Variants in CDK17 observed in about 807,000 individuals in gnomAD.
CDK17 encodes cyclin dependent kinase 17.
Under a neutral mutation model 77.6 loss-of-function variants are expected in CDK17, and 24 were observed. The observed-to-expected ratio is 0.31, with a 90% CI of 0.22 to 0.44. The LOEUF is 0.44. Ranked by LOEUF, CDK17 falls within the 20% of genes least tolerant of loss-of-function variation. CDK17 has a pLI of 1.00. For synonymous variants in CDK17, 203 were observed against 210.4 expected, an observed-to-expected ratio of 0.96 and a Z score of 0.30; for missense variants, 429 against 622.5, an observed-to-expected ratio of 0.69 and a Z score of 3.31.
At chr12:96,381,518 T>G (rs1953880785) in intron 1 of CDK17, among the ~76,000 whole-genome samples, 1 of 151,772 alleles carries the variant, frequency 6.6e-6, no homozygotes, top group Non-Finnish European at 1.5e-5. Context: ...AAGAAAAAAA[T>G]AGAGACTTCT....
At chr12:96,363,678 T>C (rs1295119323) in intron 1 of CDK17, among the ~76,000 whole-genome samples, 2 of 151,862 alleles carry the variant, frequency 1.3e-5, no homozygotes, top group Non-Finnish European at 1.5e-5. Context: ...AAAGCCTGTC[T>C]GTACTAAAAA....
At chr12:96,317,286 T>C (rs1014288278) in intron 3 of CDK17, among the ~76,000 whole-genome samples, 2 of 137,880 alleles carry the variant, frequency 1.5e-5, no homozygotes, top group African/African-American at 5.3e-5. Flanking sequence ...CTCCAAGAAA[T>C]ATGGGACTAT....
rs145562465 is a variant in CDK17, at chr12:96,362,173, A to G, written c.-29-27308T>C. 2.6e-5 allele frequency among the ~76,000 whole-genome samples: 4 copies of G among 152,340 alleles called. No homozygotes were observed. The East Asian group carries it at 5.8e-4, about 22-fold the overall frequency. On this transcript the variant is annotated intron_variant, in intron 1 of 16. Transcript: ENST00000261211. ...CATGGACTTTTTAAAACTTAGTCAA[A>G]TAACTAATAAGATGATAAGAACATA...
chr12:96,337,680 C>T (rs557519851), intron 1 of CDK17, among the ~76,000 whole-genome samples: 2 of 152,300 alleles, frequency 1.3e-5, no homozygotes, highest in Admixed American at 1.3e-4. Flanking sequence ...TCTACCTTGA[C>T]AGTCAGTAAC....
At chr12:96,309,367 G>C (rs184531812) in intron 5 of CDK17, among the ~76,000 whole-genome samples, 80 of 152,228 alleles carry the variant, frequency 5.3e-4, no homozygotes, top group Non-Finnish European at 8.1e-4. Flanking sequence ...ATTTGCCAAG[G>C]CATTTTACTT....
intron 1 of CDK17, among the ~76,000 whole-genome samples, chr12:96,364,256 CT>C (rs1953546885): frequency 6.6e-6 from 1 of 152,124 alleles, no homozygotes; most frequent in South Asian, 2.1e-4. Context: ...AAATGTCTTC[CT>C]TTCTGTTGGG....
At chr12:96,312,104 C>T (rs941635780) in intron 4 of CDK17, among the ~76,000 whole-genome samples, 1 of 152,038 alleles carries the variant, frequency 6.6e-6, no homozygotes, top group Non-Finnish European at 1.5e-5. Flanking sequence ...TGGTGAAACC[C>T]TGTCTCTACA....
intron 1 of CDK17, among the ~76,000 whole-genome samples, chr12:96,358,821 G>A (rs1033523988): frequency 6.7e-6 from 1 of 149,808 alleles, no homozygotes; most frequent in African/African-American, 2.5e-5. Context: ...GTTGAGACTC[G>A]GCCTCCGTGC....
chr12:96,287,527 A>G (rs758592748), intron 11 of CDK17, among the ~76,000 whole-genome samples: 3 of 152,188 alleles, frequency 2.0e-5, no homozygotes, highest in African/African-American at 7.2e-5. Context: ...TAGAATTACT[A>G]TATGATCCAG....
intron 11 of CDK17, among the ~76,000 whole-genome samples, 168 bp from the exon 12 acceptor site, chr12:96,286,929 T>C (rs1412768942): frequency 6.6e-6 from 1 of 152,214 alleles, no homozygotes; most frequent in African/African-American, 2.4e-5. Flanking sequence ...ACCCTATTTG[T>C]CTCAATTTCT....
chr12:96,318,038 T>C (rs1020521242), intron 3 of CDK17, among the ~76,000 whole-genome samples: 2 of 152,124 alleles, frequency 1.3e-5, no homozygotes, highest in Non-Finnish European at 2.9e-5. Flanking sequence ...ATCAGTGTGC[T>C]GTATTCAGGA....
intron 1 of CDK17, among the ~76,000 whole-genome samples, chr12:96,395,365 C>T (rs920141815): frequency 6.6e-6 from 1 of 152,222 alleles, no homozygotes; most frequent in East Asian, 1.9e-4. Flanking sequence ...GTAACATTGA[C>T]TTTTTAACAT....
chr12:96,331,865 A>G (rs1952974921), intron 2 of CDK17, among the ~76,000 whole-genome samples: 1 of 152,228 alleles, frequency 6.6e-6, no homozygotes, highest in African/African-American at 2.4e-5. Flanking sequence ...ACTAATCAAG[A>G]GACAAGTGAT....
intron 9 of CDK17, 163 bp from the exon 10 acceptor site, chr12:96,295,285 G>A (rs893945415): frequency 6.6e-6 from 3 of 457,696 alleles, no homozygotes; most frequent in African/African-American, 6.0e-5. Context: ...TATATATAGT[G>A]GCTTTCTGAA....
At chr12:96,333,692 G>A (rs1405908358) in intron 2 of CDK17, among the ~76,000 whole-genome samples, 2 of 148,308 alleles carry the variant, frequency 1.3e-5, no homozygotes, top group African/African-American at 5.0e-5. Flanking sequence ...AAAAAAGGTA[G>A]ATGTTATCAA....
Position 96,393,354 on chromosome 12 carries a change from C to CAAAAAAAAAAAAAAAAAAAA in CDK17, c.-30+6612_-30+6631dup, listed in dbSNP as rs10633197. Among the ~76,000 whole-genome samples, 2 of 43,346 alleles carry CAAAAAAAAAAAAAAAAAAAA rather than the reference C, an allele frequency of 4.6e-5. 1 individual carries two copies. The highest frequency in any genetic ancestry group is 1.8e-4 in the African/African-American group (2 of 11,050). The allele number at this position is 43,346 out of a possible 152,430, so 28.4% of individuals were successfully genotyped here. On this transcript the variant is annotated intron_variant, in intron 1 of 16. Transcript: ENST00000261211. ...TACTCCAGCCTGTGAGGCTCCGCCT[C>CAAAAAAAAAAAAAAAAAAAA]AAAAAAAAAAAAAAAAAAAAAAAAA... is the stretch of plus-strand genomic sequence containing the variant.
chr12:96,374,250 T>C (rs1350196662), intron 1 of CDK17, among the ~76,000 whole-genome samples: 3 of 152,206 alleles, frequency 2.0e-5, no homozygotes, highest in Admixed American at 2.0e-4. Context: ...TGCAAACACA[T>C]TTTCCCACTA....
In CDK17 at chr12:96,298,893, C is replaced by T; in HGVS notation, c.691G>A (p.Ala231Thr). 1 of 1,601,332 alleles carries T rather than the reference C, an allele frequency of 6.2e-7. No homozygotes were observed. Among genetic ancestry groups the T allele is most frequent in the Non-Finnish European group, 8.6e-7 (1 of 1,169,092 alleles). ...CCTTCTCTTATAGCTGTGCAGGGTGCACCTTCTTCATGTTCCAATCGGATC... is the reference window on the plus strand; with the variant it reads ...CCTTCTCTTATAGCTGTGCAGGGTGTACCTTCTTCATGTTCCAATCGGATC... Reference protein sequence around the residue: ...KEIRLEHEEGAPCTAIREVSL... With the variant: ...KEIRLEHEEGTPCTAIREVSL... The change falls in exon 7 of 17, where the codon GCA (alanine) becomes ACA (threonine). Residue 231 changes from alanine (A) to threonine (T), a missense_variant. Physicochemically the swap from Ala to Thr is moderately conservative, Grantham distance 58. Transcript: ENST00000261211.
intron 1 of CDK17, among the ~76,000 whole-genome samples, chr12:96,345,004 T>G (rs544909431): frequency 7.2e-5 from 11 of 152,260 alleles, no homozygotes; most frequent in Non-Finnish European, 1.5e-4. Context: ...CAGGCCTCAG[T>G]TAAGTGTTGT....
Sources: allele counts gnomAD v4.1 joint callset (sites outside exome capture counted in the v4.1 genomes callset), GRCh38; gene constraint gnomAD v4.1.1; transcripts MANE v1.5; gene names NCBI Gene and HGNC (gene_info 2026-07-23, HGNC 2026-07-21).